MAN1A1: variants seen among roughly 807,000 people sequenced by gnomAD.
MAN1A1 encodes mannosyl-oligosaccharide 1,2-alpha-mannosidase IA.
A neutral mutation model predicts 70.8 loss-of-function variants in MAN1A1; 29 were observed. That is an observed-to-expected ratio of 0.41 (90% CI 0.31 to 0.56). MAN1A1 has a LOEUF of 0.56. Ranked by LOEUF, MAN1A1 falls within the 20% of genes least tolerant of loss-of-function variation. The probability of loss-of-function intolerance (pLI) is 0.29; values close to 1 mark genes in which losing one functional copy is unlikely to be tolerated. For synonymous variants in MAN1A1, 349 were observed against 330.1 expected, an observed-to-expected ratio of 1.06 and a Z score of -0.62; for missense variants, 747 against 841.3, an observed-to-expected ratio of 0.89 and a Z score of 1.39.
chr6:119,177,976 G>C lies in MAN1A1; in HGVS notation c.*1843C>G, dbSNP rs1379311286. On this transcript the variant is annotated 3_prime_UTR_variant, in exon 13 of 13. Coordinates refer to ENST00000368468, the MANE Select transcript of MAN1A1 (RefSeq NM_005907.4). ...TTAATATTTTGCCTTAAAGTCCTGG[G>C]AACAAAGGGCTCTTGCTATCCATTC... 1 of 152,076 alleles carries C rather than the reference G, an allele frequency of 6.6e-6. No individual in the cohort carries two copies. The highest frequency in any genetic ancestry group is 2.4e-5 in the African/African-American group (1 of 41,444). The allele number at this position is 152,076 out of a possible 1,614,324, so 9.4% of individuals were successfully genotyped here. A position where few individuals can be genotyped will look rare whatever the true frequency, so the allele number is the denominator to read the frequency against.
intron 2 of MAN1A1, among the ~76,000 whole-genome samples, chr6:119,319,301 C>T (rs948945520): frequency 6.6e-5 from 10 of 151,486 alleles, no homozygotes; most frequent in Non-Finnish European, 1.2e-4. Flanking sequence ...TTACTCTAAC[C>T]CTTCTGGTAG....
intron 6 of MAN1A1, among the ~76,000 whole-genome samples, chr6:119,224,820 GA>G (rs1215767584): frequency 1.3e-5 from 2 of 152,142 alleles, no homozygotes; most frequent in Non-Finnish European, 2.9e-5. Flanking sequence ...TAAACTTGAA[GA>G]TATCACTAAA....
At chr6:119,322,943 T>C (rs1413631672) in intron 2 of MAN1A1, among the ~76,000 whole-genome samples, 1 of 152,212 alleles carries the variant, frequency 6.6e-6, no homozygotes, top group Non-Finnish European at 1.5e-5. Context: ...CAGAAGACGT[T>C]CTCTGTTCTA....
chr6:119,294,602 C>T (rs1027426480), intron 4 of MAN1A1, among the ~76,000 whole-genome samples: 5 of 152,030 alleles, frequency 3.3e-5, no homozygotes, highest in East Asian at 3.8e-4. Flanking sequence ...AAGTACATCC[C>T]GTCTTTTATT....
chr6:119,331,163 C>T (rs1344971763), intron 2 of MAN1A1, among the ~76,000 whole-genome samples: 2 of 152,206 alleles, frequency 1.3e-5, no homozygotes, highest in East Asian at 3.9e-4. Context: ...TTATACTGTC[C>T]GGATCTCTTA....
At position 119,286,090 on chromosome 6, in the gene MAN1A1, C is replaced by T. The variant is rs565700616; in HGVS notation, c.897+4593G>A. Among the ~76,000 whole-genome samples, 5 of 152,230 alleles carry T rather than the reference C, an allele frequency of 3.3e-5. No homozygotes were observed. In the East Asian group the frequency reaches 9.7e-4, roughly 29 times the overall value. On this transcript the variant is annotated intron_variant, in intron 5 of 12. Transcript: ENST00000368468. The stretch of plus-strand genomic sequence containing the variant: ...AACTTTATTCTCTGTTTTTCCACAG[C>T]TCTGTTTGAATCATACACATTTTCT...
intron 6 of MAN1A1, among the ~76,000 whole-genome samples, chr6:119,234,011 T>C (rs1475101434): frequency 6.6e-6 from 1 of 151,966 alleles, no homozygotes; most frequent in Non-Finnish European, 1.5e-5. Flanking sequence ...TAATCAAGAG[T>C]TGTCATTTCA....
intron 6 of MAN1A1, among the ~76,000 whole-genome samples, chr6:119,224,958 C>T (rs1774465155): frequency 1.3e-5 from 2 of 152,004 alleles, no homozygotes; most frequent in Admixed American, 1.3e-4. Context: ...GAAATCCCGT[C>T]TCTACTAAAA....
intron 7 of MAN1A1, among the ~76,000 whole-genome samples, chr6:119,202,898 T>C (rs1044580183): frequency 6.6e-6 from 1 of 152,166 alleles, no homozygotes; most frequent in Admixed American, 6.5e-5. Context: ...TGTGATTGTA[T>C]TTGGAGATTT....
intron 5 of MAN1A1, among the ~76,000 whole-genome samples, chr6:119,266,026 A>G (rs1393236005): frequency 1.3e-5 from 2 of 152,202 alleles, no homozygotes; most frequent in African/African-American, 4.8e-5. Flanking sequence ...GCACACACCT[A>G]AAAAATGAAA....
intron 5 of MAN1A1, among the ~76,000 whole-genome samples, chr6:119,280,026 A>T (rs1428878514): frequency 6.6e-6 from 1 of 152,228 alleles, no homozygotes; most frequent in Non-Finnish European, 1.5e-5. Context: ...GTGATGTCAC[A>T]TTCTACTAGT....
intron 2 of MAN1A1, among the ~76,000 whole-genome samples, chr6:119,318,060 T>C (rs111524419): frequency 0.012 from 1,775 of 152,232 alleles, 36 homozygotes; most frequent in African/African-American, 0.037. Context: ...ATAATAAAAA[T>C]GTATAAAAGG....
chr6:119,241,898 ATG>A (rs59230995), intron 6 of MAN1A1, among the ~76,000 whole-genome samples: 16,785 of 149,430 alleles, frequency 0.11, 1,123 homozygotes, highest in African/African-American at 0.19. Context: ...CAGCAATTAT[ATG>A]TGTGTGTGTG....
At chr6:119,302,942 T>C (rs996382397) in intron 3 of MAN1A1, among the ~76,000 whole-genome samples, 6 of 152,180 alleles carry the variant, frequency 3.9e-5, no homozygotes, top group Admixed American at 2.6e-4. Context: ...TCCAATGACA[T>C]GGAGACTTCC....
At position 119,290,670 on chromosome 6, in the gene MAN1A1, C is replaced by T; in HGVS notation, c.897+13G>A. The T allele has an allele frequency of 1.3e-6, 2 of 1,592,172 alleles. No homozygotes were observed. Among genetic ancestry groups the T allele is most frequent in the Non-Finnish European group, 1.7e-6 (2 of 1,165,114 alleles). On this transcript the variant is annotated intron_variant, in intron 5 of 12. Transcript: ENST00000368468. The stretch of plus-strand genomic sequence containing the variant: ...CTTTATAATTCACATTTATATACCA[C>T]TTTTCATCTTACCTCTTCTCCAGAC...
chr6:119,350,579 A>G (rs181647417), upstream of MAN1A1: 6,274 of 984,236 alleles, frequency 6.4e-3, 22 homozygotes, highest in Non-Finnish European at 7.0e-3. Flanking sequence ...ATGCTGCGGT[A>G]GCTTCAAGCA....
In MAN1A1 at chr6:119,348,679, C is replaced by T; in HGVS notation, c.387G>A (p.Glu129=). The T allele has an allele frequency of 6.2e-7, 1 of 1,611,240 alleles. No homozygotes were observed. Among genetic ancestry groups the T allele is most frequent in the Non-Finnish European group, 8.5e-7 (1 of 1,178,916 alleles). The change falls in exon 2 of 13, where the codon GAG becomes GAA. Residue 129 remains glutamate, a synonymous_variant. Transcript: ENST00000368468. ...DNLARIRENH[E]RALREAKETL... ...TCTCCTTGGCTTCCCTGAGAGCCCG[C>T]TCGTGGTTTTCGCGGATCCTGGCCA...
intron 10 of MAN1A1, 53 bp downstream of exon 10, chr6:119,189,611 T>C (rs970978703): frequency 9.8e-5 from 153 of 1,559,802 alleles, no homozygotes; most frequent in South Asian, 6.2e-4. Flanking sequence ...CAAAACTGCA[T>C]TAAATCAAAG....
upstream of MAN1A1, among the ~76,000 whole-genome samples, chr6:119,350,230 G>A: frequency 6.6e-6 from 1 of 152,192 alleles, no homozygotes; most frequent in East Asian, 1.9e-4. Flanking sequence ...CTGGCAGGGG[G>A]TCCTGGGCGC....
Sources: allele counts gnomAD v4.1 joint callset (sites outside exome capture counted in the v4.1 genomes callset), GRCh38; gene constraint gnomAD v4.1.1; transcripts MANE v1.5; gene names NCBI Gene and HGNC (gene_info 2026-07-23, HGNC 2026-07-21).